Variants in PPM1H observed in about 807,000 individuals in gnomAD.
PPM1H encodes protein phosphatase 1H.
Under a neutral mutation model 54.9 loss-of-function variants are expected in PPM1H, and 27 were observed. The observed-to-expected ratio is 0.49, with a 90% CI of 0.36 to 0.68. The LOEUF (loss-of-function observed/expected upper bound fraction) is 0.68, where lower values mean the gene tolerates loss of function less well. PPM1H is among the 30% of genes least tolerant of loss of function. The pLI is 0.00. For missense variants in PPM1H, 596 were observed against 667.8 expected (o/e 0.89, Z 1.19); for synonymous variants, 305 against 270.8 (o/e 1.13, Z -1.24).
chr12:62,895,567 G>T (rs1366554712), intron 1 of PPM1H, among the ~76,000 whole-genome samples: 1 of 152,166 alleles, frequency 6.6e-6, no homozygotes, highest in East Asian at 1.9e-4. Flanking sequence ...ATTGAAATCT[G>T]ATCCCCAATG....
rs77373682 is a variant in PPM1H, at chr12:62,700,237, T to A, written c.1074-6238A>T. Among the ~76,000 whole-genome samples, 1,358 of 152,298 alleles carry A rather than the reference T, an allele frequency of 8.9e-3. 12 individuals are homozygous for A. Among genetic ancestry groups the A allele is most frequent in the South Asian group, 0.026 (124 of 4,818 alleles). On this transcript the variant is annotated intron_variant, in intron 6 of 9. Transcript: ENST00000228705. Reference sequence around the variant, plus strand: ...ACTCCTAGCTCACTTCCTGCTGACCTTCTTCTCTGTTCCCCATCATCACCC... The same window carrying A: ...ACTCCTAGCTCACTTCCTGCTGACCATCTTCTCTGTTCCCCATCATCACCC...
chr12:62,776,388 A>G (rs1415126383), intron 4 of PPM1H, among the ~76,000 whole-genome samples: 2 of 152,154 alleles, frequency 1.3e-5, no homozygotes, highest in Admixed American at 1.3e-4. Context: ...AATTATTACC[A>G]ATAGCATACT....
At chr12:62,705,372 A>T (rs570731798) in intron 6 of PPM1H, among the ~76,000 whole-genome samples, 2 of 152,326 alleles carry the variant, frequency 1.3e-5, no homozygotes, top group East Asian at 3.9e-4. Flanking sequence ...ATTCATTTGC[A>T]AGTATTTACT....
At chr12:62,672,198 A>G (rs1228263383) in intron 8 of PPM1H, among the ~76,000 whole-genome samples, 1 of 152,218 alleles carries the variant, frequency 6.6e-6, no homozygotes, top group Non-Finnish European at 1.5e-5. Flanking sequence ...CTCAAGGCTG[A>G]TCCTGTCTCA....
At chr12:62,914,601 T>G (rs1210880784) in intron 1 of PPM1H, among the ~76,000 whole-genome samples, 1 of 152,092 alleles carries the variant, frequency 6.6e-6, no homozygotes, top group Non-Finnish European at 1.5e-5. Flanking sequence ...ATGAAAGAAA[T>G]GGAAGACACA....
rs142212460 is a variant in PPM1H, at chr12:62,879,526, A to G, written c.246-47247T>C. Among the ~76,000 whole-genome samples the G allele has an allele frequency of 7.7e-4, 117 of 152,152 alleles. 2 individuals are homozygous for G. In the East Asian group the frequency reaches 0.021, roughly 27 times the overall value. ...ATATCATAAGGACAGAAAACCAAAC[A>G]CCACATGTTCTCAGTCATAAGTGGG... On this transcript the variant is annotated intron_variant, in intron 1 of 9. Coordinates refer to ENST00000228705, the MANE Select transcript of PPM1H (RefSeq NM_020700.2).
chr12:62,848,851 G>T (rs1869072015), intron 1 of PPM1H, among the ~76,000 whole-genome samples: 1 of 151,840 alleles, frequency 6.6e-6, no homozygotes, highest in Non-Finnish European at 1.5e-5. Context: ...GTGAGGCATT[G>T]AATTATGGTA....
At chr12:62,686,648 T>C (rs1457513964) in intron 8 of PPM1H, among the ~76,000 whole-genome samples, 3 of 152,250 alleles carry the variant, frequency 2.0e-5, no homozygotes, top group Non-Finnish European at 4.4e-5. Flanking sequence ...AATGTAGTCA[T>C]GGTCTTCATT....
intron 1 of PPM1H, among the ~76,000 whole-genome samples, chr12:62,848,528 C>T (rs944172586): frequency 2.0e-5 from 3 of 152,148 alleles, no homozygotes; most frequent in Admixed American, 6.5e-5. Flanking sequence ...ATCTGGAGGA[C>T]TTCTTAAAAC....
chr12:62,818,273 A>C (rs1348412081), intron 2 of PPM1H, among the ~76,000 whole-genome samples: 1 of 152,208 alleles, frequency 6.6e-6, no homozygotes, highest in East Asian at 1.9e-4. Context: ...TCATTCCTGG[A>C]ATGACTAAAT....
intron 1 of PPM1H, among the ~76,000 whole-genome samples, chr12:62,921,553 G>C (rs1417794854): frequency 6.6e-6 from 1 of 152,106 alleles, no homozygotes; most frequent in Non-Finnish European, 1.5e-5. Flanking sequence ...CAAAGACAAA[G>C]GTATAAATGC....
intron 6 of PPM1H, among the ~76,000 whole-genome samples, chr12:62,707,303 C>T (rs772330724): frequency 6.6e-6 from 1 of 152,172 alleles, no homozygotes; most frequent in Non-Finnish European, 1.5e-5. Flanking sequence ...CTTTACCATC[C>T]CTTATCAGCC....
At chr12:62,782,178 A>G (rs2076646557) in intron 4 of PPM1H, among the ~76,000 whole-genome samples, 2 of 152,260 alleles carry the variant, frequency 1.3e-5, no homozygotes, top group African/African-American at 2.4e-5. Context: ...TGAACCACTT[A>G]TTAGCAAAAA....
chr12:62,804,017 C>T (rs185114836), intron 2 of PPM1H, among the ~76,000 whole-genome samples: 424 of 152,226 alleles, frequency 2.8e-3, no homozygotes, highest in Non-Finnish European at 2.8e-3. Context: ...AGGACCTTCC[C>T]CAACCAGATA....
intron 1 of PPM1H, among the ~76,000 whole-genome samples, chr12:62,845,009 T>C (rs1306992017): frequency 6.6e-6 from 1 of 152,224 alleles, no homozygotes; most frequent in Non-Finnish European, 1.5e-5. Context: ...GAGCCTAGGG[T>C]ACCTCTTCAT....
chr12:62,768,138 C>A lies in PPM1H; in HGVS notation c.869+20088G>T, dbSNP rs191705709. The stretch of plus-strand genomic sequence containing the variant: ...GTGGGTCATACATCACTCGCCCACA[C>A]CCCCGTGGTTGAAACTGAGTCATGT... On this transcript the variant is annotated intron_variant, in intron 4 of 9. Coordinates refer to ENST00000228705, the MANE Select transcript of PPM1H (RefSeq NM_020700.2). Among the ~76,000 whole-genome samples the A allele has an allele frequency of 6.6e-5, 10 of 152,270 alleles. No homozygotes were observed. The East Asian group carries it at 1.9e-3, about 29-fold the overall frequency.
chr12:62,873,736 T>C (rs528081306), intron 1 of PPM1H, among the ~76,000 whole-genome samples: 1 of 152,344 alleles, frequency 6.6e-6, no homozygotes, highest in South Asian at 2.1e-4. Context: ...GTGTAAAAGT[T>C]TGTGGGGACG....
intron 8 of PPM1H, among the ~76,000 whole-genome samples, chr12:62,670,183 G>T (rs552776518): frequency 6.6e-6 from 1 of 151,742 alleles, no homozygotes; most frequent in East Asian, 2.0e-4. Flanking sequence ...CTCCATGCTG[G>T]TCAGGCTGGT....
At chr12:62,652,895 C>T (rs1246631238) in intron 9 of PPM1H, among the ~76,000 whole-genome samples, 1 of 151,342 alleles carries the variant, frequency 6.6e-6, no homozygotes, top group East Asian at 1.9e-4. Flanking sequence ...CATTGAATTA[C>T]ATTTTTAGTA....
Sources: gnomAD v4.1 joint callset for allele counts (sites outside exome capture counted in the v4.1 genomes callset) on GRCh38, gnomAD v4.1.1 for gene constraint, MANE v1.5 for transcripts, NCBI Gene and HGNC (gene_info 2026-07-23, HGNC 2026-07-21) for gene names.